Variants in WDR27 observed in about 807,000 individuals in gnomAD.
WDR27 encodes the protein WD repeat-containing protein 27.
WDR27 carries 100 observed loss-of-function variants against 114.4 expected under a neutral mutation model. The observed-to-expected ratio is 0.87, with a 90% CI of 0.74 to 1.03. The LOEUF (loss-of-function observed/expected upper bound fraction) is 1.03, where lower values mean the gene tolerates loss of function less well. Ranked by LOEUF, WDR27 falls within the 50% of genes least tolerant of loss-of-function variation. The pLI, the probability that WDR27 is intolerant of heterozygous loss-of-function variation, is 0.00. For synonymous variants in WDR27, 449 were observed against 423.1 expected (o/e 1.06, Z -0.75); for missense variants, 1,129 against 1,092.9 (o/e 1.03, Z -0.47).
chr6:169,586,018 A>G (rs2867152), intron 23 of WDR27, among the ~76,000 whole-genome samples: 142,918 of 152,286 alleles, frequency 0.94, 67,143 homozygotes, highest in East Asian at 0.99. Flanking sequence ...CGTGAAAGAC[A>G]TCAAAAGCAT....
At chr6:169,463,069 T>C (rs1477792879) in intron 25 of WDR27, among the ~76,000 whole-genome samples, 2 of 152,274 alleles carry the variant, frequency 1.3e-5, no homozygotes, top group African/African-American at 4.8e-5. Flanking sequence ...AAAAAAAGTA[T>C]GTCTCATCGT....
At chr6:169,681,958 G>A (rs895444507) in intron 2 of WDR27, among the ~76,000 whole-genome samples, 1 of 151,914 alleles carries the variant, frequency 6.6e-6, no homozygotes, top group Non-Finnish European at 1.5e-5. Context: ...CAGATCATAA[G>A]GGGGCCCAGT....
intron 25 of WDR27, among the ~76,000 whole-genome samples, chr6:169,531,376 G>A (rs982489313): frequency 1.3e-4 from 20 of 152,110 alleles, no homozygotes; most frequent in African/African-American, 3.9e-4. Flanking sequence ...TCTTAATCCC[G>A]TGGACATTGG....
chr6:169,535,700 T>A (rs1464593222), intron 25 of WDR27, among the ~76,000 whole-genome samples: 1 of 152,138 alleles, frequency 6.6e-6, no homozygotes, highest in African/African-American at 2.4e-5. Flanking sequence ...CCACCCCAGC[T>A]TAGGAAAGCT....
At chr6:169,600,585 C>CT (rs1311760590) in intron 23 of WDR27, among the ~76,000 whole-genome samples, 1 of 152,084 alleles carries the variant, frequency 6.6e-6, no homozygotes, top group Non-Finnish European at 1.5e-5. Context: ...AGACGAATGG[C>CT]TAACTAGAAT....
chr6:169,663,283 C>T lies in WDR27; in HGVS notation c.905-859G>A, dbSNP rs968906914. Reference sequence around the variant, plus strand: ...TAACAAAAACCAAGGTTTAAAACATCAGGAAAAAATTGGTATACTGGATAA... The same window carrying T: ...TAACAAAAACCAAGGTTTAAAACATTAGGAAAAAATTGGTATACTGGATAA... On this transcript the variant is annotated intron_variant, in intron 8 of 25. Coordinates refer to ENST00000448612, the MANE Select transcript of WDR27 (RefSeq NM_182552.5). 2.0e-5 allele frequency among the ~76,000 whole-genome samples: 3 copies of T among 152,032 alleles called. No homozygotes were observed. In the South Asian group the frequency reaches 6.2e-4, roughly 32 times the overall value.
chr6:169,571,134 C>G (rs80174436), intron 25 of WDR27, among the ~76,000 whole-genome samples: 3,132 of 152,220 alleles, frequency 0.021, 70 homozygotes, highest in East Asian at 0.082. Flanking sequence ...AGGAATGTAA[C>G]CTTTCCTCCA....
chr6:169,599,499 G>A (rs1198293907), intron 23 of WDR27, among the ~76,000 whole-genome samples: 4 of 152,086 alleles, frequency 2.6e-5, no homozygotes, highest in East Asian at 1.9e-4. Context: ...GAGAGTGTAC[G>A]TGTCGAGGAA....
chr6:169,686,801 T>C (rs1374045910), intron 2 of WDR27, among the ~76,000 whole-genome samples: 1 of 152,184 alleles, frequency 6.6e-6, no homozygotes, highest in Non-Finnish European at 1.5e-5. Flanking sequence ...TGGAATACTA[T>C]TCTGCCATAA....
chr6:169,555,236 T>G (rs1798710207), intron 25 of WDR27, among the ~76,000 whole-genome samples: 1 of 152,160 alleles, frequency 6.6e-6, no homozygotes, highest in Admixed American at 6.5e-5. Context: ...TAACTTCATT[T>G]CAGGGGATGT....
intron 21 of WDR27, among the ~76,000 whole-genome samples, chr6:169,614,950 A>T (rs1189366803): frequency 2.0e-5 from 3 of 152,192 alleles, no homozygotes; most frequent in Non-Finnish European, 4.4e-5. Flanking sequence ...AAGAGTAAAA[A>T]ACTGAACAGA....
At chr6:169,656,185 A>T (rs577193894) in intron 13 of WDR27, among the ~76,000 whole-genome samples, 1 of 142,432 alleles carries the variant, frequency 7.0e-6, no homozygotes, top group Admixed American at 6.9e-5. Flanking sequence ...AAAAAAGGTT[A>T]AAAAAAAAAG....
At chr6:169,538,163 T>C (rs1243383778) in intron 25 of WDR27, among the ~76,000 whole-genome samples, 2 of 152,154 alleles carry the variant, frequency 1.3e-5, no homozygotes, top group Admixed American at 1.3e-4. Flanking sequence ...CATAATAAAG[T>C]GTTCAAATTT....
At chr6:169,649,722 T>C (rs1253527512) in intron 14 of WDR27, among the ~76,000 whole-genome samples, 1 of 151,694 alleles carries the variant, frequency 6.6e-6, no homozygotes, top group African/African-American at 2.4e-5. Context: ...CCATCACCCA[T>C]CCATTCACTC....
chr6:169,625,061 CT>C (rs2128205510), intron 21 of WDR27, among the ~76,000 whole-genome samples: 1 of 152,328 alleles, frequency 6.6e-6, no homozygotes, highest in Non-Finnish European at 1.5e-5. Flanking sequence ...AGCTGCTTCT[CT>C]TATGTCACCA....
At chr6:169,458,203 C>A (rs1784501194) in intron 25 of WDR27, among the ~76,000 whole-genome samples, 1 of 152,160 alleles carries the variant, frequency 6.6e-6, no homozygotes, top group Non-Finnish European at 1.5e-5. Context: ...ACCTCCCTGA[C>A]CCCACCCTCA....
chr6:169,638,731 T>C, intron 17 of WDR27, 71 bp from the exon 18 acceptor site: 1 of 1,522,052 alleles, frequency 6.6e-7, no homozygotes, highest in South Asian at 1.2e-5. Flanking sequence ...GCTACTTATC[T>C]GGTACTTTCA....
intron 23 of WDR27, among the ~76,000 whole-genome samples, chr6:169,599,217 T>C (rs1183959779): frequency 6.6e-6 from 1 of 151,488 alleles, no homozygotes; most frequent in African/African-American, 2.4e-5. Flanking sequence ...AATAAAGCTT[T>C]TCAAAAGAGC....
the WDR27 span, among the ~76,000 whole-genome samples, chr6:169,452,080 A>G: frequency 6.6e-6 from 1 of 152,162 alleles, no homozygotes; most frequent in Non-Finnish European, 1.5e-5. Context: ...TTTGTTTTAA[A>G]ACAACCACAG....
Sources: allele counts gnomAD v4.1 joint callset (sites outside exome capture counted in the v4.1 genomes callset), GRCh38; gene constraint gnomAD v4.1.1; transcripts MANE v1.5; gene names NCBI Gene and HGNC (gene_info 2026-07-23, HGNC 2026-07-21).